The following MCTP1 variants were observed in gnomAD, a reference collection of about 807,000 sequenced individuals.
MCTP1 encodes multiple C2 and transmembrane domain containing 1, also known as multiple C2 and transmembrane domain-containing protein 1.
A neutral mutation model predicts 120.6 loss-of-function variants in MCTP1; 69 were observed. That is an observed-to-expected ratio of 0.57 (90% CI 0.47 to 0.70). The LOEUF (loss-of-function observed/expected upper bound fraction) is 0.70, where lower values mean the gene tolerates loss of function less well. Ranked by LOEUF, MCTP1 falls within the 30% of genes least tolerant of loss-of-function variation. MCTP1 has a pLI of 0.00. For missense variants in MCTP1, 1,203 were observed against 1,248.8 expected (o/e 0.96, Z 0.55); for synonymous variants, 529 against 493.1 (o/e 1.07, Z -0.96).
chr5:95,171,696 T>C (rs946017890), intron 1 of MCTP1, among the ~76,000 whole-genome samples: 3 of 152,192 alleles, frequency 2.0e-5, no homozygotes, highest in African/African-American at 7.2e-5. Flanking sequence ...TTCCAGTTGA[T>C]CGAATCGGTT....
intron 19 of MCTP1, among the ~76,000 whole-genome samples, chr5:94,777,358 T>C (rs950722289): frequency 6.6e-6 from 1 of 152,222 alleles, no homozygotes; most frequent in African/African-American, 2.4e-5. Flanking sequence ...TTTGGTGAGC[T>C]GGTTAACCAG....
chr5:95,126,008 T>C (rs1157884392), intron 1 of MCTP1, among the ~76,000 whole-genome samples: 1 of 152,230 alleles, frequency 6.6e-6, no homozygotes, highest in Non-Finnish European at 1.5e-5. Flanking sequence ...CTTTCGTGCC[T>C]CTTTGTTTTT....
chr5:95,193,013 G>T (rs755616633), intron 1 of MCTP1, among the ~76,000 whole-genome samples: 5 of 152,118 alleles, frequency 3.3e-5, no homozygotes, highest in African/African-American at 7.2e-5. Context: ...CATGTAGTTG[G>T]TTTACCTCGA....
At chr5:95,242,541 C>T (rs992322395) in intron 1 of MCTP1, among the ~76,000 whole-genome samples, 6 of 152,050 alleles carry the variant, frequency 3.9e-5, no homozygotes, top group Admixed American at 2.0e-4. Flanking sequence ...TATATCTGTA[C>T]GTTGGAATAC....
intron 1 of MCTP1, among the ~76,000 whole-genome samples, chr5:95,183,220 C>T (rs1198374876): frequency 6.6e-6 from 1 of 152,006 alleles, no homozygotes; most frequent in Non-Finnish European, 1.5e-5. Context: ...AAAAATTATG[C>T]TGAATCAACT....
At chr5:94,737,056 A>G (rs540435051) in intron 19 of MCTP1, among the ~76,000 whole-genome samples, 5 of 152,292 alleles carry the variant, frequency 3.3e-5, no homozygotes, top group Admixed American at 1.3e-4. Context: ...GGCAATGATC[A>G]TGACTCACCA....
chr5:95,252,375 A>G (rs1757462642), intron 1 of MCTP1, among the ~76,000 whole-genome samples: 1 of 152,186 alleles, frequency 6.6e-6, no homozygotes, highest in Admixed American at 6.5e-5. Context: ...CATTTCAAAA[A>G]GATGGTTCTC....
chr5:94,837,137 G>A (rs545551646), intron 17 of MCTP1, among the ~76,000 whole-genome samples: 1 of 152,208 alleles, frequency 6.6e-6, no homozygotes, highest in South Asian at 2.1e-4. Flanking sequence ...CAGCACTTTG[G>A]GAGGCCAAGG....
chr5:94,914,599 T>C (rs920757368), intron 8 of MCTP1, among the ~76,000 whole-genome samples: 1 of 152,106 alleles, frequency 6.6e-6, no homozygotes, highest in Admixed American at 6.5e-5. Context: ...CTCTGCCCTA[T>C]GAATATCAAC....
intron 17 of MCTP1, among the ~76,000 whole-genome samples, chr5:94,866,295 A>T (rs1216738807): frequency 4.6e-5 from 7 of 151,894 alleles, no homozygotes; most frequent in Non-Finnish European, 7.4e-5. Context: ...CTAGGCTAAA[A>T]AGGCAGGGTT....
intron 1 of MCTP1, among the ~76,000 whole-genome samples, chr5:95,234,447 G>A (rs1273408613): frequency 5.3e-5 from 8 of 151,986 alleles, no homozygotes; most frequent in African/African-American, 1.4e-4. Context: ...CCCTAGATTC[G>A]AATTTTTATC....
At chr5:95,135,065 A>C (rs1759348233) in intron 1 of MCTP1, among the ~76,000 whole-genome samples, 1 of 149,494 alleles carries the variant, frequency 6.7e-6, no homozygotes, top group African/African-American at 2.4e-5. Flanking sequence ...AAAAAAGGTC[A>C]GATTCAGATA....
chr5:94,740,221 C>G (rs1200206294), intron 19 of MCTP1, among the ~76,000 whole-genome samples: 1 of 152,200 alleles, frequency 6.6e-6, no homozygotes, highest in Non-Finnish European at 1.5e-5. Context: ...ATTTGTGTCT[C>G]TACAGGCTGC....
chr5:94,821,583 AT>A (rs1785662915), intron 17 of MCTP1, among the ~76,000 whole-genome samples: 3 of 152,034 alleles, frequency 2.0e-5, no homozygotes, highest in African/African-American at 4.8e-5. Flanking sequence ...TTACTTCCAT[AT>A]TTTCCCAGTA....
intron 2 of MCTP1, among the ~76,000 whole-genome samples, chr5:95,010,604 A>G (rs1232684235): frequency 1.3e-5 from 2 of 152,114 alleles, no homozygotes; most frequent in African/African-American, 4.8e-5. Context: ...CCCAATAAAA[A>G]TTTCGCTAAT....
chr5:95,204,143 G>A (rs567641552), intron 1 of MCTP1, among the ~76,000 whole-genome samples: 2 of 152,238 alleles, frequency 1.3e-5, no homozygotes, highest in East Asian at 3.9e-4. Flanking sequence ...AATTGAGAAA[G>A]CCTTTTAAAA....
intron 17 of MCTP1, among the ~76,000 whole-genome samples, chr5:94,801,254 A>G (rs1242043324): frequency 6.6e-6 from 1 of 152,248 alleles, no homozygotes; most frequent in Non-Finnish European, 1.5e-5. Context: ...CAAGTGCTCA[A>G]TAAGTAAATA....
chr5:94,866,787 G>C (rs1192314059), intron 17 of MCTP1, among the ~76,000 whole-genome samples: 1 of 151,520 alleles, frequency 6.6e-6, no homozygotes. Flanking sequence ...CAAAAAAAAG[G>C]CTGCCATCTT....
chr5:94,728,747 G>A (rs1197337061), intron 19 of MCTP1, among the ~76,000 whole-genome samples: 7 of 151,960 alleles, frequency 4.6e-5, no homozygotes, highest in Admixed American at 4.6e-4. Context: ...CATTTTTTCT[G>A]CCTGATTTCT....
Sources: gnomAD v4.1 joint callset for allele counts (sites outside exome capture counted in the v4.1 genomes callset) on GRCh38, gnomAD v4.1.1 for gene constraint, MANE v1.5 for transcripts, NCBI Gene and HGNC (gene_info 2026-07-23, HGNC 2026-07-21) for gene names.